The following ARHGAP39 variants were observed in gnomAD, a reference collection of about 807,000 sequenced individuals.
ARHGAP39 encodes Rho GTPase activating protein 39, also known as rho GTPase-activating protein 39.
ARHGAP39 carries 44 observed loss-of-function variants against 106.9 expected under a neutral mutation model. The ratio of observed to expected loss-of-function variants is 0.41; its 90% CI spans 0.32 to 0.53. ARHGAP39 has a LOEUF of 0.53. Ranked by LOEUF, ARHGAP39 falls within the 20% of genes least tolerant of loss-of-function variation. The pLI is 0.21. For synonymous variants in ARHGAP39, 768 were observed against 693.2 expected (o/e 1.11, Z -1.69); for missense variants, 1,496 against 1,577.3 (o/e 0.95, Z 0.87).
chr8:144,637,551 A>C (rs1230896649), intron 1 of ARHGAP39, among the ~76,000 whole-genome samples: 1 of 152,252 alleles, frequency 6.6e-6, no homozygotes, highest in East Asian at 1.9e-4. Flanking sequence ...CAGAGGTTGC[A>C]GTGAGCCAAG....
chr8:144,642,549 C>T (rs1821339105), intron 1 of ARHGAP39, among the ~76,000 whole-genome samples: 1 of 151,948 alleles, frequency 6.6e-6, no homozygotes, highest in Non-Finnish European at 1.5e-5. Context: ...CAGTTTGGCT[C>T]TGTGTCCCCA....
the ARHGAP39 span, among the ~76,000 whole-genome samples, chr8:144,697,640 C>T: frequency 6.6e-6 from 1 of 152,074 alleles, no homozygotes; most frequent in Non-Finnish European, 1.5e-5. Context: ...CTGCCTCAGC[C>T]TCCCATGCCC....
At chr8:144,602,959 A>G (rs1448765390) in intron 2 of ARHGAP39, among the ~76,000 whole-genome samples, 1 of 97,930 alleles carries the variant, frequency 1.0e-5, no homozygotes, top group Non-Finnish European at 2.0e-5. Context: ...GTGTGCATGG[A>G]GGCGTGCGTG....
intron 1 of ARHGAP39, among the ~76,000 whole-genome samples, chr8:144,618,273 C>T (rs1258647927): frequency 1.3e-5 from 2 of 152,200 alleles, no homozygotes; most frequent in Non-Finnish European, 2.9e-5. Flanking sequence ...GCTGGGGCCA[C>T]ATGGGGTCCT....
intron 2 of ARHGAP39, among the ~76,000 whole-genome samples, chr8:144,582,527 C>T (rs956650407): frequency 6.6e-6 from 1 of 152,232 alleles, no homozygotes; most frequent in Non-Finnish European, 1.5e-5. Context: ...GCCTTGCCAC[C>T]CAAGCCCTCC....
intron 2 of ARHGAP39, among the ~76,000 whole-genome samples, chr8:144,596,588 C>T (rs1441421012): frequency 1.3e-5 from 2 of 152,222 alleles, no homozygotes; most frequent in East Asian, 3.8e-4. Flanking sequence ...GGAGGGGGTG[C>T]TGCGCGGGGG....
intron 2 of ARHGAP39, among the ~76,000 whole-genome samples, chr8:144,598,893 A>G (rs1469928449): frequency 6.6e-6 from 1 of 152,266 alleles, no homozygotes; most frequent in African/African-American, 2.4e-5. Flanking sequence ...CATGTCTTTA[A>G]TATATAAATT....
intron 1 of ARHGAP39, among the ~76,000 whole-genome samples, chr8:144,611,801 A>G (rs1443800953): frequency 6.6e-6 from 1 of 151,574 alleles, no homozygotes; most frequent in Non-Finnish European, 1.5e-5. Context: ...GGATCCCTTG[A>G]GGCCAGGAGT....
chr8:144,561,228 GTGGTT>G (rs1818132923), intron 3 of ARHGAP39, among the ~76,000 whole-genome samples: 2 of 152,110 alleles, frequency 1.3e-5, no homozygotes, highest in African/African-American at 4.8e-5. Context: ...TCACACTCCA[GTGGTT>G]TCCATCACAC....
chr8:144,603,963 G>A (rs537925102), intron 2 of ARHGAP39, among the ~76,000 whole-genome samples: 2 of 152,198 alleles, frequency 1.3e-5, no homozygotes, highest in Non-Finnish European at 2.9e-5. Context: ...AAGAGCAAGC[G>A]CAATATCAAC....
At chr8:144,656,498 C>A (rs898021450) in intron 1 of ARHGAP39, among the ~76,000 whole-genome samples, 2 of 152,020 alleles carry the variant, frequency 1.3e-5, no homozygotes, top group South Asian at 2.1e-4. Flanking sequence ...AAGTAAGGGA[C>A]AAATTCAAAA....
chr8:144,593,599 T>C (rs1423265872), intron 2 of ARHGAP39, among the ~76,000 whole-genome samples: 1 of 152,094 alleles, frequency 6.6e-6, no homozygotes, highest in Admixed American at 6.5e-5. Context: ...ATTAAAACTT[T>C]TGTGGCCACC....
intron 1 of ARHGAP39, among the ~76,000 whole-genome samples, chr8:144,665,632 C>A (rs557747207): frequency 6.6e-6 from 1 of 152,212 alleles, no homozygotes. Context: ...GCTCAGGCTG[C>A]GGCTTCAGAG....
At chr8:144,687,670 AG>A (rs1822648622), upstream of ARHGAP39, among the ~76,000 whole-genome samples, 1 of 7,890 alleles carries the variant, frequency 1.3e-4, no homozygotes, top group Non-Finnish European at 2.8e-4. Flanking sequence ...ACCACACACT[AG>A]CAGTGAGCAC....
At chr8:144,537,254 C>G (rs1462509627) in intron 7 of ARHGAP39, among the ~76,000 whole-genome samples, 1 of 152,092 alleles carries the variant, frequency 6.6e-6, no homozygotes. Context: ...GGCCCACCAT[C>G]AAAGCAGGGG....
chr8:144,555,629 C>G lies in ARHGAP39; in HGVS notation c.527G>C (p.Gly176Ala). ...KEDSGSSSPPGVFLEKDYEIY... is the reference protein window; with the variant it reads ...KEDSGSSSPPAVFLEKDYEIY... ...CTCATAGTCCTTCTCAAGGAACACT[C>G]CTGGTGGTGAAGAGCTGAAACACAG... The change falls in exon 4 of 12, where the codon GGA becomes GCA. Residue 176 changes from glycine (G) to alanine (A), a missense_variant. This residue lies in a region of ARHGAP39 where 905 missense variants were observed against 816.4 expected (regional missense o/e 1.11). Transcript: ENST00000377307. 1.2e-6 allele frequency: 2 copies of G among 1,613,794 alleles called. No individual in the cohort carries two copies. The highest frequency in any genetic ancestry group is 2.2e-5 in the South Asian group (2 of 91,090).
At chr8:144,587,008 G>A (rs1409716242) in intron 2 of ARHGAP39, among the ~76,000 whole-genome samples, 1 of 152,198 alleles carries the variant, frequency 6.6e-6, no homozygotes, top group Non-Finnish European at 1.5e-5. Context: ...TCTCGTGATA[G>A]TGAGTTCTCA....
intron 2 of ARHGAP39, among the ~76,000 whole-genome samples, chr8:144,590,268 C>T (rs867186793): frequency 6.6e-6 from 1 of 152,198 alleles, no homozygotes; most frequent in Admixed American, 6.5e-5. Flanking sequence ...TGACAGGTCA[C>T]TTGTGTTTTC....
chr8:144,602,616 C>CTG (rs1288708934), intron 2 of ARHGAP39, among the ~76,000 whole-genome samples: 6 of 73,448 alleles, frequency 8.2e-5, no homozygotes, highest in African/African-American at 1.6e-4. Context: ...GCTCATGTAC[C>CTG]TGTGTGTGCG....
Sources: gnomAD v4.1 joint callset for allele counts (sites outside exome capture counted in the v4.1 genomes callset) on GRCh38, gnomAD v4.1.1 for gene constraint, gnomAD v4.1.1 regional missense constraint, MANE v1.5 for transcripts, NCBI Gene and HGNC (gene_info 2026-07-23, HGNC 2026-07-21) for gene names.